MLLT1: variants seen among roughly 807,000 people sequenced by gnomAD.
MLLT1 encodes the protein MLLT1 super elongation complex subunit.
MLLT1 carries 11 observed loss-of-function variants against 55.1 expected under a neutral mutation model. That is an observed-to-expected ratio of 0.20 (90% confidence interval 0.13 to 0.33). The LOEUF is 0.33. Among genes scored for constraint, MLLT1 ranks in the 10% least tolerant of loss-of-function variants. MLLT1 has a pLI of 1.00. For missense variants in MLLT1, 536 were observed against 760.6 expected (o/e 0.70, Z 3.47); for synonymous variants, 323 against 320.1 (o/e 1.01, Z -0.10).
Position 6,211,168 on chromosome 19 carries a change from C to G in MLLT1, c.*1874G>C. 1 of 232,848 alleles carries G rather than the reference C, an allele frequency of 4.3e-6. No individual in the cohort carries two copies. Among genetic ancestry groups the G allele is most frequent in the Admixed American group, 5.6e-5 (1 of 17,780 alleles). 14.4% of individuals were successfully genotyped at this position (232,848 alleles called of 1,614,324 possible). A position where few individuals can be genotyped will look rare whatever the true frequency, so the allele number is the denominator to read the frequency against. On this transcript the variant is annotated 3_prime_UTR_variant, in exon 12 of 12. Transcript: ENST00000252674. This position sits in a 1 kb window ranked among gnomAD's most constrained non-coding sequence, Gnocchi z 4.6. Reference sequence around the variant, plus strand: ...CAGCAGCACGGGCCCCCGGTCAGCCCCCCTCAGGCCAGTTCCTTCAGTCCA... The same window carrying G: ...CAGCAGCACGGGCCCCCGGTCAGCCGCCCTCAGGCCAGTTCCTTCAGTCCA...
In MLLT1 at chr19:6,262,390, T is replaced by G; in HGVS notation, c.194-80A>C. On this transcript the variant is annotated intron_variant, in intron 2 of 11. Coordinates refer to ENST00000252674, the MANE Select transcript of MLLT1 (RefSeq NM_005934.4). This position sits in a 1 kb window ranked among gnomAD's most constrained non-coding sequence, Gnocchi z 4.4. Reference sequence around the variant, plus strand: ...GCTGCCAGCGGCAGTACCGCACCCCTCAACCCCACCACCTCCTCACAGGGG... The same window carrying G: ...GCTGCCAGCGGCAGTACCGCACCCCGCAACCCCACCACCTCCTCACAGGGG... 4 of 1,215,340 alleles carry G rather than the reference T, an allele frequency of 3.3e-6. No homozygotes were observed. The highest frequency in any genetic ancestry group is 4.8e-6 in the Non-Finnish European group (4 of 838,628). 75.3% of individuals were successfully genotyped at this position (1,215,340 alleles called of 1,614,324 possible). A position where few individuals can be genotyped will look rare whatever the true frequency, so the allele number is the denominator to read the frequency against.
chr19:6,259,387 C>T (rs1034962848), intron 3 of MLLT1: 2 of 152,324 alleles, frequency 1.3e-5, no homozygotes, highest in Non-Finnish European at 2.9e-5. Flanking sequence ...TCATCAAGCA[C>T]TGTCATTCTA....
chr19:6,237,959 T>C (rs2091079448), intron 3 of MLLT1, among the ~76,000 whole-genome samples: 1 of 151,652 alleles, frequency 6.6e-6, no homozygotes, highest in Non-Finnish European at 1.5e-5. Flanking sequence ...TTTTTTTAAT[T>C]AGCTGAGTGT....
chr19:6,221,560 G>A (rs1052447802), intron 6 of MLLT1, among the ~76,000 whole-genome samples: 1 of 152,240 alleles, frequency 6.6e-6, no homozygotes, highest in African/African-American at 2.4e-5. Context: ...AGTCACAGCT[G>A]TGTGCGATGG....
intron 2 of MLLT1, among the ~76,000 whole-genome samples, chr19:6,267,586 T>G (rs559862652): frequency 1.3e-4 from 20 of 152,140 alleles, no homozygotes; most frequent in African/African-American, 4.3e-4. Context: ...AAGAACCCGT[T>G]TCACACAGAC....
chr19:6,213,132 G>A lies in MLLT1; in HGVS notation c.1590C>T (p.Val530=). The change falls in exon 12 of 12, where the codon GTC becomes GTT. Residue 530 remains valine (V), a synonymous_variant. Coordinates refer to ENST00000252674, the MANE Select transcript of MLLT1 (RefSeq NM_005934.4). ...GGTCGAAGTCGAAGGTGGTGTTGGT[G>A]ACATTGAAGTGGCCAGTCTCCTCGA... The part of the protein sequence containing the change: ...NLIEETGHFN[V]TNTTFDFDLF... 9 of 1,614,024 alleles carry A rather than the reference G, an allele frequency of 5.6e-6. No homozygotes were observed. The highest frequency in any genetic ancestry group is 7.6e-6 in the Non-Finnish European group (9 of 1,179,902).
At chr19:6,249,531 A>G (rs933073295) in intron 3 of MLLT1, among the ~76,000 whole-genome samples, 1 of 152,174 alleles carries the variant, frequency 6.6e-6, no homozygotes, top group East Asian at 1.9e-4. Context: ...CCCAGCCCAC[A>G]GTCAAGGCCA....
rs1271537840 is a variant in MLLT1 at position 6,240,977 on chromosome 19, C to T, written c.277-10264G>A. Among the ~76,000 whole-genome samples the T allele has an allele frequency of 6.6e-6, 1 of 152,168 alleles. No homozygotes were observed. The highest frequency in any genetic ancestry group is 2.4e-5 in the African/African-American group (1 of 41,430). ...ACTTAATGATTTCTCCTCAGTCTGACACCAGAAAAGGCAGAAAGCAGCCAG... is the reference window on the plus strand; with the variant it reads ...ACTTAATGATTTCTCCTCAGTCTGATACCAGAAAAGGCAGAAAGCAGCCAG... On this transcript the variant is annotated intron_variant, in intron 3 of 11. Coordinates refer to ENST00000252674, the MANE Select transcript of MLLT1 (RefSeq NM_005934.4). This position sits in a 1 kb window ranked among gnomAD's most constrained non-coding sequence, Gnocchi z 4.7.
intron 3 of MLLT1, among the ~76,000 whole-genome samples, chr19:6,260,200 A>G (rs1310268703): frequency 6.6e-6 from 1 of 151,604 alleles, no homozygotes; most frequent in Non-Finnish European, 1.5e-5. Flanking sequence ...ACCCCCACAC[A>G]GGGGAGGATG....
Position 6,236,804 on chromosome 19 carries a change from G to T in MLLT1, c.277-6091C>A, listed in dbSNP as rs140903691. ...TTCATGCCCCTGAGGCCTGGCAGCA[G>T]GCTCCGTGAGCAATGGCAAAGTCAA... On this transcript the variant is annotated intron_variant, in intron 3 of 11. Coordinates refer to ENST00000252674, the MANE Select transcript of MLLT1 (RefSeq NM_005934.4). 2.1e-3 allele frequency among the ~76,000 whole-genome samples: 318 copies of T among 152,360 alleles called. 1 individual carries two copies. Among genetic ancestry groups the T allele is most frequent in the Non-Finnish European group, 3.4e-3 (233 of 68,024 alleles).
At position 6,262,373 on chromosome 19, in the gene MLLT1, C is replaced by A. The variant is rs867306408; in HGVS notation, c.194-63G>T. On this transcript the variant is annotated intron_variant, in intron 2 of 11. Transcript: ENST00000252674. The surrounding 1 kb of genome is among the most constrained non-coding windows in gnomAD (Gnocchi z 4.4). ...TGCCTGTTTCAGGCCCAGCTGCCAG[C>A]GGCAGTACCGCACCCCTCAACCCCA... 2 of 1,426,682 alleles carry A rather than the reference C, an allele frequency of 1.4e-6. No homozygotes were observed. The highest frequency in any genetic ancestry group is 2.3e-5 in the East Asian group (1 of 43,824). 88.4% of individuals were successfully genotyped at this position (1,426,682 alleles called of 1,614,324 possible). A position where few individuals can be genotyped will look rare whatever the true frequency, so the allele number is the denominator to read the frequency against.
At chr19:6,237,484 G>T (rs540577839) in intron 3 of MLLT1, among the ~76,000 whole-genome samples, 1 of 152,044 alleles carries the variant, frequency 6.6e-6, no homozygotes, top group African/African-American at 2.4e-5. Context: ...TTGGCCAGGC[G>T]CGGTGGCTCA....
At position 6,256,080 on chromosome 19, in the gene MLLT1, G is replaced by A. The variant is rs546851507; in HGVS notation, c.276+6148C>T. 2.1e-4 allele frequency among the ~76,000 whole-genome samples: 32 copies of A among 152,216 alleles called. No individual in the cohort carries two copies. The South Asian group carries it at 4.6e-3, about 22-fold the overall frequency. Reference sequence around the variant, plus strand: ...AAAATGCAAAAAATTAGCCAGACACGGTGGCAGGCACCTGTAATCCCAGCT... The same window carrying A: ...AAAATGCAAAAAATTAGCCAGACACAGTGGCAGGCACCTGTAATCCCAGCT... On this transcript the variant is annotated intron_variant, in intron 3 of 11. Transcript: ENST00000252674. This position sits in a 1 kb window ranked among gnomAD's most constrained non-coding sequence, Gnocchi z 4.1.
At chr19:6,267,949 T>A (rs2091362451) in intron 2 of MLLT1, among the ~76,000 whole-genome samples, 2 of 152,182 alleles carry the variant, frequency 1.3e-5, no homozygotes, top group African/African-American at 4.8e-5. Flanking sequence ...AGTAAGCACC[T>A]ACTGTATCCC....
At chr19:6,213,639 T>C in intron 10 of MLLT1, 87 bp downstream of exon 10, 2 of 1,321,550 alleles carry the variant, frequency 1.5e-6, no homozygotes, top group Non-Finnish European at 2.2e-6. Context: ...TGTGGGGTGT[T>C]GGGGGGCTCT....
rs1055855501 is a variant in MLLT1 at position 6,210,654 on chromosome 19, A to G, written c.*2388T>C. The G allele has an allele frequency of 4.4e-6, 1 of 228,398 alleles. No individual in the cohort carries two copies. Among genetic ancestry groups the G allele is most frequent in the East Asian group, 6.2e-5 (1 of 16,080 alleles). The allele number at this position is 228,398 out of a possible 1,614,324, so 14.1% of individuals were successfully genotyped here. ...CGGTTTACATTTTTGTTCAGGAGAG[A>G]GCAAAACACAGAGATTTGCACTGGG... On this transcript the variant is annotated 3_prime_UTR_variant, in exon 12 of 12. Coordinates refer to ENST00000252674, the MANE Select transcript of MLLT1 (RefSeq NM_005934.4). The surrounding 1 kb of genome is among the most constrained non-coding windows in gnomAD (Gnocchi z 4.6).
chr19:6,265,095 G>A (rs771845276), intron 2 of MLLT1, among the ~76,000 whole-genome samples: 43 of 128,210 alleles, frequency 3.4e-4, no homozygotes, highest in African/African-American at 3.6e-4. Context: ...TAAAGCAAGC[G>A]TCCTAAAAAC....
At chr19:6,241,943 C>T (rs75795770) in intron 3 of MLLT1, among the ~76,000 whole-genome samples, 4,589 of 152,340 alleles carry the variant, frequency 0.03, 220 homozygotes, top group African/African-American at 0.1. Context: ...CCTGGCGGAG[C>T]GCTCTATGGG....
intron 2 of MLLT1, among the ~76,000 whole-genome samples, chr19:6,265,038 C>CAAAAAA (rs928827048): frequency 8.0e-4 from 17 of 21,180 alleles, no homozygotes; most frequent in African/African-American, 1.5e-3. Context: ...TAGTGAACAG[C>CAAAAAA]AAAAAAAAAA....
Sources: allele counts gnomAD v4.1 joint callset (sites outside exome capture counted in the v4.1 genomes callset), GRCh38; gene constraint gnomAD v4.1.1; non-coding constraint Gnocchi (gnomAD v3.1); transcripts MANE v1.5; gene names NCBI Gene and HGNC (gene_info 2026-07-23, HGNC 2026-07-21).